Variants in RPLP2 observed in about 807,000 individuals in gnomAD.
RPLP2 encodes the protein large ribosomal subunit protein P2.
A neutral mutation model predicts 11.5 loss-of-function variants in RPLP2; 1 was observed. The ratio of observed to expected loss-of-function variants is 0.09; its 90% CI spans 0.03 to 0.41. The LOEUF (loss-of-function observed/expected upper bound fraction) is 0.41. Among genes scored for constraint, RPLP2 ranks in the 10% least tolerant of loss-of-function variants. The pLI is 0.98. For synonymous variants in RPLP2, 82 were observed against 55.9 expected (o/e 1.47, Z -2.08); for missense variants, 177 against 145.6 (o/e 1.22, Z -1.11).
intron 1 of RPLP2, 77 bp downstream of exon 1, chr11:810,116 T>C (rs974381460): frequency 6.4e-6 from 8 of 1,243,178 alleles, no homozygotes; most frequent in Non-Finnish European, 8.4e-6. Context: ...CGGCGGGGTA[T>C]TTTTGGGACG....
chr11:811,947 G>C (rs1440974982), intron 3 of RPLP2: 2 of 619,272 alleles, frequency 3.2e-6, no homozygotes, highest in African/African-American at 3.6e-5. Context: ...CTGGAGAACT[G>C]AGTTCACGTC....
chr11:811,730 T>C (rs1319403755), intron 3 of RPLP2, 85 bp downstream of exon 3: 11 of 1,572,852 alleles, frequency 7.0e-6, no homozygotes, highest in Non-Finnish European at 9.6e-6. Flanking sequence ...CAGGTTTCGC[T>C]TGTGGACCAG....
intron 3 of RPLP2, chr11:811,954 C>T (rs1012630999): frequency 5.3e-5 from 31 of 590,464 alleles, no homozygotes; most frequent in Non-Finnish European, 7.5e-5. Flanking sequence ...ACTGAGTTCA[C>T]GTCAGCAGTC....
chr11:811,584 T>C lies in RPLP2; in HGVS notation c.124-13T>C, dbSNP rs1315129429. 6.2e-7 allele frequency: 1 copy of C among 1,614,204 alleles called. No individual in the cohort carries two copies. The highest frequency in any genetic ancestry group is 1.1e-5 in the South Asian group (1 of 91,088). The stretch of plus-strand genomic sequence containing the variant: ...TACATTCCTGGTAACAGCCCTGTGA[T>C]TGTCTGCTTCAGGTTATCAGTGAGC... On this transcript the variant is annotated splice_polypyrimidine_tract_variant and intron_variant, in intron 2 of 4. Transcript: ENST00000321153.
At chr11:810,485 C>T (rs1360962945) in intron 2 of RPLP2, 128 bp downstream of exon 2, 2 of 948,702 alleles carry the variant, frequency 2.1e-6, no homozygotes, top group Non-Finnish European at 1.5e-6. Flanking sequence ...TTGGCGATTT[C>T]TTGGATAGAG....
In RPLP2 at chr11:812,768, A is replaced by G. The variant is rs777569321; in HGVS notation, c.280A>G (p.Lys94Glu). ...AGSAPAAAEE[K>E]KDEKKEESEE... ...TCTCCTCTGTTCCACAGCAGAGGAGAAGAAAGATGAGAAGAAGGAGGAGTC... is the reference window on the plus strand; with the variant it reads ...TCTCCTCTGTTCCACAGCAGAGGAGGAGAAAGATGAGAAGAAGGAGGAGTC... The change falls in exon 5 of 5, where the codon AAG becomes GAG. Residue 94 changes from lysine (K) to glutamate (E), a missense_variant. Lys to Glu is a moderately conservative substitution (Grantham distance 56, BLOSUM62 1). Transcript: ENST00000321153. The G allele has an allele frequency of 8.7e-6, 14 of 1,613,894 alleles. No homozygotes were observed. Among genetic ancestry groups the G allele is most frequent in the South Asian group, 6.6e-5 (6 of 91,072 alleles).
At position 810,349 on chromosome 11, in the gene RPLP2, C is replaced by G; in HGVS notation, c.115C>G (p.Leu39Val). 1 of 1,606,978 alleles carries G rather than the reference C, an allele frequency of 6.2e-7. No individual in the cohort carries two copies. The highest frequency in any genetic ancestry group is 8.5e-7 in the Non-Finnish European group (1 of 1,177,402). Residue 39 changes from leucine (L) to valine (V), a missense_variant, in exon 2 of 5, where the codon CTC becomes GTC. Transcript: ENST00000321153. ...GGGTATCGAGGCGGACGACGACCGG[C>G]TCAACAAGGTAGCGGCCGCCCTTGC... Reference protein sequence around the residue: ...SVGIEADDDRLNKVISELNGK... With the variant: ...SVGIEADDDRVNKVISELNGK...
chr11:811,481 A>T, intron 2 of RPLP2, 116 bp from the exon 3 acceptor site: 1 of 1,275,730 alleles, frequency 7.8e-7, no homozygotes, highest in South Asian at 1.2e-5. Context: ...GCAGTTCTGG[A>T]AACTTCAGGG....
rs367996530 is a variant in RPLP2 at position 812,754 on chromosome 11, C to G, written c.272-6C>G. ...GTGCTCACCATGCCTCTCCTCTGTT[C>G]CACAGCAGAGGAGAAGAAAGATGAG... is the stretch of plus-strand genomic sequence containing the variant. On this transcript the variant is annotated splice_region_variant and splice_polypyrimidine_tract_variant and intron_variant, in intron 4 of 4. Transcript: ENST00000321153. The G allele has an allele frequency of 8.7e-6, 14 of 1,608,752 alleles. No individual in the cohort carries two copies. The highest frequency in any genetic ancestry group is 4.0e-5 in the African/African-American group (3 of 74,808).
At chr11:811,144 T>C (rs1222811232) in intron 2 of RPLP2, among the ~76,000 whole-genome samples, 1 of 152,002 alleles carries the variant, frequency 6.6e-6, no homozygotes, top group East Asian at 1.9e-4. Context: ...GCCACTGCAG[T>C]CTAACAGAAC....
intron 3 of RPLP2, chr11:812,322 A>C (rs941151545): frequency 6.4e-6 from 4 of 622,488 alleles, no homozygotes; most frequent in Non-Finnish European, 1.1e-5. Flanking sequence ...AATTCCTAGA[A>C]GGCAAGTCCC....
In RPLP2 at chr11:811,357, A is replaced by G. The variant is rs553997672; in HGVS notation, c.124-240A>G. On this transcript the variant is annotated intron_variant, in intron 2 of 4. Transcript: ENST00000321153. ...TGTTGAAGATACCTATGAGTAGTCA[A>G]CATAAGTAGTGAGATGCCCTGTGTC... 348 of 577,360 alleles carry G rather than the reference A, an allele frequency of 6.0e-4. 1 individual carries two copies. The highest frequency in any genetic ancestry group is 6.0e-3 in the Middle Eastern group (13 of 2,170). The allele number at this position is 577,360 out of a possible 1,614,324, so 35.8% of individuals were successfully genotyped here.
At chr11:810,402 C>G (rs1865992309) in intron 2 of RPLP2, 45 bp downstream of exon 2, 3 of 1,575,228 alleles carry the variant, frequency 1.9e-6, no homozygotes, top group Middle Eastern at 1.7e-4. Context: ...GCCCCAGTGT[C>G]CCATACAGGC....
In RPLP2 at chr11:810,000, C is replaced by A. The variant is rs557149339; in HGVS notation, c.-41C>A. The A allele has an allele frequency of 2.3e-6, 1 of 441,350 alleles. No individual in the cohort carries two copies. The highest frequency in any genetic ancestry group is 3.8e-6 in the Non-Finnish European group (1 of 262,002). 27.3% of individuals were successfully genotyped at this position (441,350 alleles called of 1,614,324 possible). A position where few individuals can be genotyped will look rare whatever the true frequency, so the allele number is the denominator to read the frequency against. ...TCCCTGTCGCCACCGAGGTCGCACG[C>A]GTGAGACTTCTCCGCCGCCTCCGCC... On this transcript the variant is annotated 5_prime_UTR_variant, in exon 1 of 5. Coordinates refer to ENST00000321153, the MANE Select transcript of RPLP2 (RefSeq NM_001004.4).
At chr11:811,973 A>C in intron 3 of RPLP2, 1 of 521,320 alleles carries the variant, frequency 1.9e-6, no homozygotes, top group Non-Finnish European at 3.5e-6. Flanking sequence ...TCCTTACCAC[A>C]TGCTTTCTGT....
At chr11:810,479 C>G (rs1865997777) in intron 2 of RPLP2, 122 bp downstream of exon 2, 3 of 997,332 alleles carry the variant, frequency 3.0e-6, no homozygotes, top group Admixed American at 3.0e-5. Flanking sequence ...GTCTAGTTGG[C>G]GATTTCTTGG....
At chr11:811,327 G>T (rs1246363246) in intron 2 of RPLP2, 1 of 515,812 alleles carries the variant, frequency 1.9e-6, no homozygotes, top group South Asian at 2.3e-5. Flanking sequence ...AGTTTATTTT[G>T]CCAGTGTTGA....
intron 1 of RPLP2, 62 bp downstream of exon 1, chr11:810,101 G>A (rs1032234131): frequency 1.8e-6 from 2 of 1,113,342 alleles, no homozygotes; most frequent in Non-Finnish European, 2.4e-6. Context: ...GGGATGCGGG[G>A]TGGGCGGCGG....
At chr11:810,198 G>A in intron 1 of RPLP2, 36 bp from the exon 2 acceptor site, 1 of 1,472,126 alleles carries the variant, frequency 6.8e-7, no homozygotes, top group Non-Finnish European at 9.1e-7. Flanking sequence ...GGCCGCCGGG[G>A]TAACTCCGCC....
Sources: allele counts gnomAD v4.1 joint callset (sites outside exome capture counted in the v4.1 genomes callset), GRCh38; gene constraint gnomAD v4.1.1; transcripts MANE v1.5; gene names NCBI Gene and HGNC (gene_info 2026-07-23, HGNC 2026-07-21).